AFF2: variants seen among roughly 807,000 people sequenced by gnomAD.
AFF2 encodes the protein ALF transcription elongation factor 2.
In AFF2, 14 loss-of-function variants were observed where a neutral mutation model predicts 76.9. The observed-to-expected ratio is 0.18, with a 90% CI of 0.12 to 0.28. The LOEUF (loss-of-function observed/expected upper bound fraction) is 0.28. Ranked by LOEUF, AFF2 falls within the 10% of genes least tolerant of loss-of-function variation. The probability of loss-of-function intolerance (pLI) is 1.00; values close to 1 mark genes in which losing one functional copy is unlikely to be tolerated. For synonymous variants in AFF2, 398 were observed against 366.7 expected (o/e 1.09, Z -0.98); for missense variants, 868 against 1,001.1 (o/e 0.87, Z 1.79).
intron 14 of AFF2, 42 bp downstream of exon 14, chrX:148,967,121 A>G: frequency 8.4e-7 from 1 of 1,193,017 alleles, no homozygotes. Flanking sequence ...GGAGTAGTGA[A>G]TGGGGGGTGG....
At chrX:148,564,475 A>G (rs2124313575) in intron 1 of AFF2, among the ~76,000 whole-genome samples, 1 of 108,994 alleles carries the variant, frequency 9.2e-6, no homozygotes, top group Non-Finnish European at 1.9e-5. Flanking sequence ...TTTGAAAAAA[A>G]AAAAAAAAAA....
At chrX:148,678,298 G>A (rs1557259645) in intron 3 of AFF2, among the ~76,000 whole-genome samples, 1 of 111,479 alleles carries the variant, frequency 9.0e-6, no homozygotes, top group East Asian at 2.8e-4. Context: ...ACAAATCTGG[G>A]CATTAAGTGA....
intron 3 of AFF2, among the ~76,000 whole-genome samples, chrX:148,728,097 G>A (rs2055181746): frequency 8.9e-6 from 1 of 112,086 alleles, no homozygotes; most frequent in Non-Finnish European, 1.9e-5. Flanking sequence ...ATAACTAGCT[G>A]AGCTTGGGCG....
intron 1 of AFF2, among the ~76,000 whole-genome samples, chrX:148,627,014 G>C (rs781873985): frequency 9.0e-6 from 1 of 110,646 alleles, no homozygotes; most frequent in African/African-American, 3.3e-5. Flanking sequence ...TTTGAGACCA[G>C]CCTGAGCAAT....
intron 1 of AFF2, among the ~76,000 whole-genome samples, chrX:148,515,473 A>T (rs1050526929): frequency 7.1e-5 from 8 of 112,356 alleles, no homozygotes; most frequent in African/African-American, 2.6e-4. Context: ...GGCAATGGAT[A>T]AGCAAGCCTT....
At chrX:148,697,970 G>C (rs1403920021) in intron 3 of AFF2, among the ~76,000 whole-genome samples, 1 of 112,519 alleles carries the variant, frequency 8.9e-6, no homozygotes, top group Non-Finnish European at 1.9e-5. Context: ...AATTTATAAT[G>C]GGATATTGAT....
chrX:148,747,263 C>G (rs2055432509), intron 3 of AFF2, among the ~76,000 whole-genome samples: 1 of 111,480 alleles, frequency 9.0e-6, no homozygotes, highest in Admixed American at 9.6e-5. Flanking sequence ...ATCTTTTGCG[C>G]TAGGCTGACT....
At chrX:148,968,777 C>T (rs782234491) in intron 15 of AFF2, among the ~76,000 whole-genome samples, 9 of 112,240 alleles carry the variant, frequency 8.0e-5, no homozygotes, top group African/African-American at 2.9e-4. Context: ...AAGCAATTTT[C>T]CCCTGCTCCT....
intron 1 of AFF2, among the ~76,000 whole-genome samples, chrX:148,608,959 A>G (rs1474510087): frequency 8.9e-6 from 1 of 111,939 alleles, no homozygotes. Flanking sequence ...GCTGAGGGTA[A>G]CATTTGAATT....
intron 16 of AFF2, among the ~76,000 whole-genome samples, chrX:148,974,604 CA>C (rs1473043049): frequency 8.9e-6 from 1 of 111,875 alleles, no homozygotes; most frequent in East Asian, 2.8e-4. Flanking sequence ...TTCCCAGTGA[CA>C]CATTCCAAAA....
At chrX:148,659,695 C>T (rs1195098283) in intron 2 of AFF2, among the ~76,000 whole-genome samples, 1 of 112,131 alleles carries the variant, frequency 8.9e-6, no homozygotes, top group African/African-American at 3.2e-5. Context: ...GGACCCTCAG[C>T]ACAATGAAAT....
intron 9 of AFF2, among the ~76,000 whole-genome samples, chrX:148,905,920 T>A (rs1557281389): frequency 1.8e-5 from 2 of 112,693 alleles, no homozygotes; most frequent in African/African-American, 6.5e-5. Flanking sequence ...TCTAGCGTTT[T>A]GAGGAATGTT....
chrX:148,585,872 T>G (rs975962039), intron 1 of AFF2, among the ~76,000 whole-genome samples: 8 of 104,769 alleles, frequency 7.6e-5, no homozygotes, highest in African/African-American at 2.8e-4. Flanking sequence ...AAGAAAAGAC[T>G]GAGTAAACCA....
intron 13 of AFF2, among the ~76,000 whole-genome samples, chrX:148,966,190 A>G (rs1322372555): frequency 8.9e-6 from 1 of 111,900 alleles, no homozygotes; most frequent in East Asian, 2.8e-4. Flanking sequence ...TTAGCTAGAA[A>G]CCAATCAAGC....
At chrX:148,761,176 T>C (rs2069435241) in intron 3 of AFF2, among the ~76,000 whole-genome samples, 1 of 112,305 alleles carries the variant, frequency 8.9e-6, no homozygotes, top group Non-Finnish European at 1.9e-5. Flanking sequence ...CTTTACTTCC[T>C]CAATGTACAA....
chrX:148,679,653 G>A (rs782371604), intron 3 of AFF2, among the ~76,000 whole-genome samples: 1 of 111,544 alleles, frequency 9.0e-6, no homozygotes, highest in Non-Finnish European at 1.9e-5. Context: ...AGAAATGGAA[G>A]GCCACTGACA....
At chrX:148,693,477 CT>C (rs1336380525) in intron 3 of AFF2, among the ~76,000 whole-genome samples, 1 of 112,160 alleles carries the variant, frequency 8.9e-6, no homozygotes, top group African/African-American at 3.2e-5. Flanking sequence ...TCCTTTGCAT[CT>C]TATGGAAACC....
intron 1 of AFF2, among the ~76,000 whole-genome samples, chrX:148,583,210 A>C (rs1557245351): frequency 1.8e-5 from 2 of 111,637 alleles, no homozygotes; most frequent in African/African-American, 3.3e-5. Context: ...GTACACTAAA[A>C]ACATCTAAAT....
intron 1 of AFF2, among the ~76,000 whole-genome samples, chrX:148,625,259 A>G (rs946119439): frequency 9.0e-6 from 1 of 111,326 alleles, no homozygotes; most frequent in Non-Finnish European, 1.9e-5. Context: ...TCAGCTGCAC[A>G]TGAGCTTCCA....
Sources: allele counts gnomAD v4.1 joint callset (sites outside exome capture counted in the v4.1 genomes callset), GRCh38; gene constraint gnomAD v4.1.1; transcripts MANE v1.5; gene names NCBI Gene and HGNC (gene_info 2026-07-23, HGNC 2026-07-21).